The following OXNAD1 variants were observed in gnomAD, a reference collection of about 807,000 sequenced individuals.
The protein encoded by OXNAD1 is oxidoreductase NAD binding domain containing 1, also known as oxidoreductase NAD-binding domain-containing protein 1.
In OXNAD1, 34 loss-of-function variants were observed where a neutral mutation model predicts 32.9. That is an observed-to-expected ratio of 1.03 (90% confidence interval 0.79 to 1.38). OXNAD1 has a LOEUF of 1.38. Among genes scored for constraint, OXNAD1 ranks in the 40% most tolerant of loss-of-function variants. OXNAD1 has a pLI of 0.00. For missense variants in OXNAD1, 407 were observed against 379.4 expected (o/e 1.07, Z -0.60); for synonymous variants, 134 against 135.2 (o/e 0.99, Z 0.06).
downstream of OXNAD1, among the ~76,000 whole-genome samples, chr3:16,307,560 T>G (rs1261519387): frequency 1.3e-5 from 2 of 151,038 alleles, no homozygotes; most frequent in Non-Finnish European, 2.9e-5. Flanking sequence ...ATGGTGGGAG[T>G]GAAAACAGTG....
rs2067519300 is a variant in OXNAD1, at chr3:16,305,886, G to A, written c.*2324G>A. On this transcript the variant is annotated 3_prime_UTR_variant, in exon 9 of 9. Transcript: ENST00000285083. This position sits in a 1 kb window ranked among gnomAD's most constrained non-coding sequence, Gnocchi z 4.5. Reference sequence around the variant, plus strand: ...TGGCAGAGCACTGCATGAGTGTGTTGTCGTTATTAATTTGCTATTCCTTGT... The same window carrying A: ...TGGCAGAGCACTGCATGAGTGTGTTATCGTTATTAATTTGCTATTCCTTGT... The A allele has an allele frequency of 6.6e-6, 1 of 152,166 alleles. No homozygotes were observed. The highest frequency in any genetic ancestry group is 1.5e-5 in the Non-Finnish European group (1 of 68,042). The allele number at this position is 152,166 out of a possible 1,614,324, so 9.4% of individuals were successfully genotyped here.
chr3:16,331,420 ATGTT>A (rs1424633106), intron 9 of OXNAD1, among the ~76,000 whole-genome samples: 1 of 152,198 alleles, frequency 6.6e-6, no homozygotes, highest in African/African-American at 2.4e-5. Context: ...TCAAAAGTCA[ATGTT>A]TGTGTTATCA....
chr3:16,292,698 G>A (rs11915812), intron 5 of OXNAD1, among the ~76,000 whole-genome samples: 1,834 of 152,114 alleles, frequency 0.012, 30 homozygotes, highest in African/African-American at 0.042. Context: ...CTTAATTTTT[G>A]TATATGTTGT....
intron 5 of OXNAD1, 75 bp from the exon 6 acceptor site, chr3:16,294,781 G>GA (rs1230134310): frequency 6.1e-5 from 86 of 1,420,542 alleles, no homozygotes; most frequent in Non-Finnish European, 8.1e-5. Flanking sequence ...TCTTGCAAAG[G>GA]TTTGTCAATT....
At chr3:16,318,694 T>C (rs752567586) in intron 9 of OXNAD1, among the ~76,000 whole-genome samples, 4 of 152,188 alleles carry the variant, frequency 2.6e-5, no homozygotes, top group Non-Finnish European at 2.9e-5. Flanking sequence ...GTGAAATACA[T>C]GTTGAGGTTA....
chr3:16,311,331 GA>G (rs2067971739), intron 9 of OXNAD1, among the ~76,000 whole-genome samples: 1 of 147,550 alleles, frequency 6.8e-6, no homozygotes, highest in African/African-American at 2.5e-5. Flanking sequence ...AGTAGCTGGG[GA>G]TTACAGGCAC....
chr3:16,321,153 A>C lies in OXNAD1; in HGVS notation c.*31-15959A>C, dbSNP rs1210798883. Among the ~76,000 whole-genome samples, 1 of 152,064 alleles carries C rather than the reference A, an allele frequency of 6.6e-6. No homozygotes were observed. The highest frequency in any genetic ancestry group is 1.5e-5 in the Non-Finnish European group (1 of 67,994). On this transcript the variant is annotated intron_variant, in intron 9 of 9. Coordinates refer to the OXNAD1 transcript ENST00000435829. This position sits in a 1 kb window ranked among gnomAD's most constrained non-coding sequence, Gnocchi z 4.8. Reference sequence around the variant, plus strand: ...CCTCTAGATAGGGTGGCGGTTGGCCAGGTGGGCGAGGTATGGGGAGGGGGA... The same window carrying C: ...CCTCTAGATAGGGTGGCGGTTGGCCCGGTGGGCGAGGTATGGGGAGGGGGA...
chr3:16,324,602 G>A (rs2069469976), intron 9 of OXNAD1, among the ~76,000 whole-genome samples: 1 of 130,434 alleles, frequency 7.7e-6, no homozygotes, highest in Non-Finnish European at 1.6e-5. Flanking sequence ...ATAAATAACA[G>A]AATGTCCCTG....
Position 16,290,665 on chromosome 3 carries a change from TGAAAA to T in OXNAD1, c.291-4186_291-4182del, listed in dbSNP as rs1575111795. 6.6e-6 allele frequency among the ~76,000 whole-genome samples: 1 copy of T among 152,148 alleles called. No individual in the cohort carries two copies. Among genetic ancestry groups the T allele is most frequent in the African/African-American group, 2.4e-5 (1 of 41,436 alleles). On this transcript the variant is annotated intron_variant, in intron 5 of 8. Transcript: ENST00000285083. This position sits in a 1 kb window ranked among gnomAD's most constrained non-coding sequence, Gnocchi z 4.2. Reference sequence around the variant, plus strand: ...TTTTAAATTTTTATCTTGTCAGAAATGAAAAGAAAGTTAAAGTACTCATGGAAAAG... The same window carrying T: ...TTTTAAATTTTTATCTTGTCAGAAATGAAAGTTAAAGTACTCATGGAAAAG...
downstream of OXNAD1, among the ~76,000 whole-genome samples, chr3:16,308,717 T>G (rs911429534): frequency 1.3e-5 from 2 of 152,194 alleles, no homozygotes; most frequent in East Asian, 1.9e-4. This position sits in a 1 kb window ranked among gnomAD's most constrained non-coding sequence, Gnocchi z 4.4. Flanking sequence ...TTAAAATGTT[T>G]CGTGCCCAGA....
Position 16,316,903 on chromosome 3 carries a change from G to A in OXNAD1, c.*30+13311G>A, listed in dbSNP as rs757333323. On this transcript the variant is annotated intron_variant, in intron 9 of 9. Transcript: ENST00000435829. This position sits in a 1 kb window ranked among gnomAD's most constrained non-coding sequence, Gnocchi z 4.5. ...CCCTGGCATCCTCTCCAGGATTGGAGTGCCCAGTGCAAATCCCCACCAGGG... is the reference window on the plus strand; with the variant it reads ...CCCTGGCATCCTCTCCAGGATTGGAATGCCCAGTGCAAATCCCCACCAGGG... 13 of 1,614,026 alleles carry A rather than the reference G, an allele frequency of 8.1e-6. No homozygotes were observed. The East Asian group carries it at 2.0e-4, about 25-fold the overall frequency.
At position 16,317,302 on chromosome 3, in the gene OXNAD1, T is replaced by C; in HGVS notation, c.*30+13710T>C. 1 of 1,508,624 alleles carries C rather than the reference T, an allele frequency of 6.6e-7. No individual in the cohort carries two copies. The highest frequency in any genetic ancestry group is 9.0e-7 in the Non-Finnish European group (1 of 1,105,822). 93.5% of individuals were successfully genotyped at this position (1,508,624 alleles called of 1,614,324 possible). A position where few individuals can be genotyped will look rare whatever the true frequency, so the allele number is the denominator to read the frequency against. On this transcript the variant is annotated intron_variant, in intron 9 of 9. Transcript: ENST00000435829. The surrounding 1 kb of genome is among the most constrained non-coding windows in gnomAD (Gnocchi z 4.3). The stretch of plus-strand genomic sequence containing the variant: ...CCCAGAGCTTCACCCAAAGCCTTGT[T>C]TGCATTCATACCCACACCATGTCTG...
At chr3:16,315,465 CTAATT>C (rs2068284870) in intron 9 of OXNAD1, among the ~76,000 whole-genome samples, 1 of 149,594 alleles carries the variant, frequency 6.7e-6, no homozygotes, top group African/African-American at 2.4e-5. Context: ...ACTTGCCTCA[CTAATT>C]TAAAAAGTTA....
chr3:16,347,477 A>G (rs1575083845), intron 9 of OXNAD1: 2 of 152,224 alleles, frequency 1.3e-5, no homozygotes, highest in Non-Finnish European at 2.9e-5. Context: ...TTTTTCCAGC[A>G]CTAGTGGCTG....
At chr3:16,269,795 A>G (rs2064799710) in intron 2 of OXNAD1, among the ~76,000 whole-genome samples, 1 of 152,238 alleles carries the variant, frequency 6.6e-6, no homozygotes, top group Non-Finnish European at 1.5e-5. Flanking sequence ...CAATTAATTT[A>G]TATACTGCCT....
At chr3:16,350,344 A>G (rs2072009771), downstream of OXNAD1, 1 of 151,976 alleles carries the variant, frequency 6.6e-6, no homozygotes, top group Non-Finnish European at 1.5e-5. Flanking sequence ...GAACACATGC[A>G]TTTGTTTCTT....
Position 16,270,960 on chromosome 3 carries a change from G to T in OXNAD1, c.8G>T (p.Cys3Phe). MACAAVMIPGLLR... is the reference protein window; with the variant it reads MAFAAVMIPGLLR... ...GTTTGCCCAGAAAGCGCCATGGCCT[G>T]TGCTGCTGTTATGATTCCTGGGTTG... Residue 3 changes from cysteine to phenylalanine, a missense_variant, in exon 3 of 9, where the codon TGT (cysteine) becomes TTT (phenylalanine). Coordinates refer to ENST00000285083, the MANE Select transcript of OXNAD1 (RefSeq NM_138381.5). 1 of 1,614,162 alleles carries T rather than the reference G, an allele frequency of 6.2e-7. No homozygotes were observed. The highest frequency in any genetic ancestry group is 8.5e-7 in the Non-Finnish European group (1 of 1,180,030).
rs377688104 is a variant in OXNAD1, at chr3:16,271,027, A to C, written c.75A>C (p.Ser25=). The C allele has an allele frequency of 1.2e-6, 2 of 1,614,176 alleles. No individual in the cohort carries two copies. Among genetic ancestry groups the C allele is most frequent in the South Asian group, 1.1e-5 (1 of 91,076 alleles). The change falls in exon 3 of 9, where the codon TCA becomes TCC. Residue 25 remains serine, a synonymous_variant. Coordinates refer to ENST00000285083, the MANE Select transcript of OXNAD1 (RefSeq NM_138381.5). This position sits in a 1 kb window ranked among gnomAD's most constrained non-coding sequence, Gnocchi z 4.6. ...SVGAIRIEAA[S]LRLTLSTLRH... ...GAGCCATCCGTATTGAGGCTGCGTC[A>C]CTGAGATTGACACTCAGCACTTTGC...
downstream of OXNAD1, among the ~76,000 whole-genome samples, chr3:16,337,615 G>A (rs763964153): frequency 9.2e-5 from 14 of 151,866 alleles, no homozygotes; most frequent in Admixed American, 6.6e-4. This position sits in a 1 kb window ranked among gnomAD's most constrained non-coding sequence, Gnocchi z 5.0. Flanking sequence ...GGTGGCAGGC[G>A]CCTGTAGTCC....
Sources: gnomAD v4.1 joint callset for allele counts (sites outside exome capture counted in the v4.1 genomes callset) on GRCh38, gnomAD v4.1.1 for gene constraint, Gnocchi (gnomAD v3.1) non-coding constraint, MANE v1.5 for transcripts, NCBI Gene and HGNC (gene_info 2026-07-23, HGNC 2026-07-21) for gene names.